Variants in PPP4R2 observed in about 807,000 individuals in gnomAD.
PPP4R2 encodes the protein protein phosphatase 4 regulatory subunit 2.
PPP4R2 carries 13 observed loss-of-function variants against 47.2 expected under a neutral mutation model. That is an observed-to-expected ratio of 0.28 (90% CI 0.18 to 0.44). The LOEUF (loss-of-function observed/expected upper bound fraction) is 0.44, where lower values mean the gene tolerates loss of function less well. PPP4R2 is among the 20% of genes least tolerant of loss of function. PPP4R2 has a pLI of 1.00. For missense variants in PPP4R2, 421 were observed against 491.2 expected, an observed-to-expected ratio of 0.86 and a Z score of 1.35; for synonymous variants, 151 against 163.3, an observed-to-expected ratio of 0.92 and a Z score of 0.57.
chr3:73,025,832 C>T (rs1238017032), intron 2 of PPP4R2, among the ~76,000 whole-genome samples: 1 of 152,040 alleles, frequency 6.6e-6, no homozygotes, highest in Non-Finnish European at 1.5e-5. Flanking sequence ...GAGTCTAATT[C>T]AAAGGAATTA....
intron 3 of PPP4R2, among the ~76,000 whole-genome samples, chr3:73,048,751 GC>G (rs1702542833): frequency 6.6e-6 from 1 of 152,176 alleles, no homozygotes; most frequent in Admixed American, 6.5e-5. Context: ...TTTTTAGATG[GC>G]ATAAATGGCT....
At chr3:73,028,846 AAGGAG>A (rs112536569) in intron 2 of PPP4R2, among the ~76,000 whole-genome samples, 2,668 of 152,274 alleles carry the variant, frequency 0.018, 81 homozygotes, top group African/African-American at 0.06. Context: ...TAGACTGATC[AAGGAG>A]AGGAGGAGGT....
chr3:73,023,008 A>G (rs2130901), intron 2 of PPP4R2, among the ~76,000 whole-genome samples: 59,474 of 151,764 alleles, frequency 0.39, 12,160 homozygotes, highest in African/African-American at 0.46. Context: ...TTGCTTTTAT[A>G]TTTAGTTGGT....
At chr3:73,006,190 ATTTTTTTTTTTTTTTT>A (rs71624000) in intron 2 of PPP4R2, among the ~76,000 whole-genome samples, 1 of 124,178 alleles carries the variant, frequency 8.1e-6, no homozygotes. Context: ...ATATGCCACA[ATTTTTTTTTTTTTTTT>A]TTTTTTTTTT....
At position 73,062,645 on chromosome 3, in the gene PPP4R2, C is replaced by G; in HGVS notation, c.420-1028C>G. On this transcript the variant is annotated intron_variant, in intron 5 of 8. Transcript: ENST00000356692. ...CATCAGTTCTCCGCCACTGCTGTGA[C>G]CTTTTGATAGGCATTGCGGCTGGAT... is the stretch of plus-strand genomic sequence containing the variant. The G allele has an allele frequency of 2.5e-6, 4 of 1,613,970 alleles. No homozygotes were observed. In the South Asian group the frequency reaches 4.4e-5, roughly 18 times the overall value.
At chr3:73,017,278 A>G (rs1019726999) in intron 2 of PPP4R2, among the ~76,000 whole-genome samples, 2 of 152,186 alleles carry the variant, frequency 1.3e-5, no homozygotes, top group African/African-American at 4.8e-5. Flanking sequence ...TTGATGGATT[A>G]GTAGCCTCAT....
chr3:73,032,192 CTTTCT>C (rs1223574693), intron 2 of PPP4R2, among the ~76,000 whole-genome samples: 18 of 152,030 alleles, frequency 1.2e-4, no homozygotes, highest in Admixed American at 9.2e-4. Context: ...AGTCTGTGTA[CTTTCT>C]TTTATTTCTT....
chr3:73,044,428 T>C (rs1702443079), intron 2 of PPP4R2, among the ~76,000 whole-genome samples: 1 of 152,022 alleles, frequency 6.6e-6, no homozygotes, highest in Non-Finnish European at 1.5e-5. Flanking sequence ...CTACTAAAAA[T>C]ACAAAAAGTT....
chr3:73,049,279 A>C (rs950575012), intron 3 of PPP4R2, among the ~76,000 whole-genome samples: 3 of 151,998 alleles, frequency 2.0e-5, no homozygotes, highest in Admixed American at 2.0e-4. Context: ...TGGGCAGATC[A>C]CTAGGTCAGG....
intron 3 of PPP4R2, among the ~76,000 whole-genome samples, chr3:73,052,345 A>T (rs1215463563): frequency 6.6e-6 from 1 of 151,518 alleles, no homozygotes; most frequent in East Asian, 1.9e-4. Flanking sequence ...GTGAAGTTAC[A>T]GTTTGTCAGA....
intron 2 of PPP4R2, among the ~76,000 whole-genome samples, chr3:73,004,895 GTTTTGAGTCGGAGTCATGTGTGTGTGTT>G: frequency 6.9e-6 from 1 of 145,722 alleles, no homozygotes; most frequent in African/African-American, 2.6e-5. Context: ...GTGTGTGTGT[GTTTTGAGTCGGAGTCATGTGTGTGTGTT>G]TGTGTGTTTT....
intron 4 of PPP4R2, among the ~76,000 whole-genome samples, chr3:73,059,518 T>C (rs1281915332): frequency 3.3e-5 from 5 of 152,186 alleles, no homozygotes; most frequent in Non-Finnish European, 4.4e-5. Context: ...GGAAACTTAC[T>C]GGTGCCAAGC....
intron 2 of PPP4R2, among the ~76,000 whole-genome samples, chr3:73,027,357 A>T (rs1299304708): frequency 6.6e-6 from 1 of 152,088 alleles, no homozygotes; most frequent in Non-Finnish European, 1.5e-5. Context: ...CAATCTCCTG[A>T]CCTCATGATC....
At chr3:73,018,309 G>A (rs1271997645) in intron 2 of PPP4R2, among the ~76,000 whole-genome samples, 1 of 151,380 alleles carries the variant, frequency 6.6e-6, no homozygotes, top group Non-Finnish European at 1.5e-5. Flanking sequence ...GTTCTACAGG[G>A]TTGACAGCGG....
chr3:73,051,726 T>C (rs541246384), intron 3 of PPP4R2, among the ~76,000 whole-genome samples: 64 of 152,140 alleles, frequency 4.2e-4, no homozygotes, highest in Admixed American at 1.4e-3. Flanking sequence ...CCCGGGTTCA[T>C]GCCATTCTCC....
chr3:73,054,271 T>G (rs1702682899), intron 3 of PPP4R2, among the ~76,000 whole-genome samples: 1 of 152,218 alleles, frequency 6.6e-6, no homozygotes, highest in South Asian at 2.1e-4. Flanking sequence ...AGTAAACTAG[T>G]GTCTGCACCA....
At chr3:73,002,638 T>TCTTTC (rs71126824) in intron 2 of PPP4R2, among the ~76,000 whole-genome samples, 2 of 76,056 alleles carry the variant, frequency 2.6e-5, no homozygotes, top group Non-Finnish European at 2.6e-5. Flanking sequence ...TCTTTTCTTT[T>TCTTTC]TTTTTTTTTT....
At chr3:73,022,039 G>A (rs1247317219) in intron 2 of PPP4R2, among the ~76,000 whole-genome samples, 1 of 151,738 alleles carries the variant, frequency 6.6e-6, no homozygotes, top group Admixed American at 6.6e-5. Flanking sequence ...TGGGTCTAGA[G>A]GTGCCTGCCA....
chr3:73,036,067 AGAATGAATG>A (rs760562221), intron 2 of PPP4R2, among the ~76,000 whole-genome samples: 7 of 152,256 alleles, frequency 4.6e-5, no homozygotes, highest in Non-Finnish European at 8.8e-5. Context: ...AGATATAAAA[AGAATGAATG>A]AAGTCCCATC....
Sources: gnomAD v4.1 joint callset for allele counts (sites outside exome capture counted in the v4.1 genomes callset) on GRCh38, gnomAD v4.1.1 for gene constraint, MANE v1.5 for transcripts, NCBI Gene and HGNC (gene_info 2026-07-23, HGNC 2026-07-21) for gene names.